Variants in CDH9 observed in about 807,000 individuals in gnomAD.
CDH9 encodes cadherin 9.
Under a neutral mutation model 70.9 loss-of-function variants are expected in CDH9, and 28 were observed. The observed-to-expected ratio is 0.40, with a 90% confidence interval of 0.29 to 0.54. CDH9 has a LOEUF of 0.54. Among genes scored for constraint, CDH9 ranks in the 20% least tolerant of loss-of-function variants. The pLI is 0.59. For missense variants in CDH9, 874 were observed against 984.4 expected, an observed-to-expected ratio of 0.89 and a Z score of 1.50; for synonymous variants, 409 against 343.1, an observed-to-expected ratio of 1.19 and a Z score of -2.12.
Position 26,912,920 on chromosome 5 carries a change from C to T in CDH9, c.523+2710G>A, listed in dbSNP as rs570781251. On this transcript the variant is annotated intron_variant, in intron 3 of 11. Coordinates refer to ENST00000231021, the MANE Select transcript of CDH9 (RefSeq NM_016279.4). The stretch of plus-strand genomic sequence containing the variant: ...TCCTGAGAGTGAATAAGTCCCAAGA[C>T]ATCTGATGGTTTTAAAAACAGGAGT... Among the ~76,000 whole-genome samples the T allele has an allele frequency of 3.8e-4, 58 of 152,168 alleles. 1 individual carries two copies. The South Asian group carries it at 0.012, about 31-fold the overall frequency.
intron 1 of CDH9, among the ~76,000 whole-genome samples, chr5:27,028,729 C>A (rs2112133235): frequency 6.6e-6 from 1 of 151,918 alleles, no homozygotes; most frequent in South Asian, 2.1e-4. Flanking sequence ...AAATGAAAAA[C>A]CATATTTTAA....
intron 2 of CDH9, among the ~76,000 whole-genome samples, chr5:26,959,082 G>T (rs1015737888): frequency 3.9e-5 from 6 of 151,996 alleles, no homozygotes; most frequent in Admixed American, 1.3e-4. Flanking sequence ...TTCATAATAA[G>T]AAGAATTATT....
chr5:26,952,469 A>T, intron 2 of CDH9, among the ~76,000 whole-genome samples: 1 of 129,626 alleles, frequency 7.7e-6, no homozygotes, highest in African/African-American at 2.9e-5. Flanking sequence ...AAAAAAAAAA[A>T]AAAAAAAAAA....
chr5:26,996,038 T>C (rs1210788185), intron 1 of CDH9, among the ~76,000 whole-genome samples: 1 of 152,036 alleles, frequency 6.6e-6, no homozygotes, highest in African/African-American at 2.4e-5. Flanking sequence ...TAAATAGGAT[T>C]TTCAGCATAT....
At chr5:26,890,828 T>A (rs1224757925) in intron 7 of CDH9, 1 of 339,302 alleles carries the variant, frequency 2.9e-6, no homozygotes, top group African/African-American at 2.1e-5. Flanking sequence ...TTAAAGTGAG[T>A]TCTTAAGTAT....
chr5:26,914,035 C>G (rs1343703206), intron 3 of CDH9, among the ~76,000 whole-genome samples: 1 of 151,788 alleles, frequency 6.6e-6, no homozygotes, highest in Non-Finnish European at 1.5e-5. Context: ...AAGTGGGGTA[C>G]TTCTTTGAAA....
At chr5:26,959,604 T>C (rs1742000439) in intron 2 of CDH9, among the ~76,000 whole-genome samples, 1 of 152,040 alleles carries the variant, frequency 6.6e-6, no homozygotes, top group African/African-American at 2.4e-5. Flanking sequence ...AAACCAAAGA[T>C]CTATCAATGG....
intron 1 of CDH9, among the ~76,000 whole-genome samples, chr5:27,010,672 C>T (rs150795899): frequency 6.6e-6 from 1 of 152,102 alleles, no homozygotes; most frequent in Non-Finnish European, 1.5e-5. Context: ...AAAAATTCAT[C>T]TTCATCTTTT....
intron 1 of CDH9, among the ~76,000 whole-genome samples, chr5:27,013,933 A>G (rs1249517644): frequency 2.0e-5 from 3 of 152,022 alleles, no homozygotes; most frequent in Admixed American, 1.3e-4. Context: ...GATAAAGAAG[A>G]AAGCAGAAAT....
intron 2 of CDH9, among the ~76,000 whole-genome samples, chr5:26,948,999 C>T (rs1263082104): frequency 6.6e-6 from 1 of 152,142 alleles, no homozygotes; most frequent in Non-Finnish European, 1.5e-5. Flanking sequence ...TGGTGCCAGA[C>T]TTGCCTTAAA....
chr5:26,895,803 C>A (rs1239888125), intron 7 of CDH9, among the ~76,000 whole-genome samples: 1 of 152,010 alleles, frequency 6.6e-6, no homozygotes, highest in Non-Finnish European at 1.5e-5. Flanking sequence ...AAATGTTTCT[C>A]TGTGATGCTT....
chr5:27,001,834 A>ACTCTCTCT (rs1742773881), intron 1 of CDH9, among the ~76,000 whole-genome samples: 1 of 124,276 alleles, frequency 8.0e-6, no homozygotes, highest in Admixed American at 7.7e-5. Context: ...TAACATACAC[A>ACTCTCTCT]CACACACACA....
At chr5:27,030,799 G>A (rs1472129405) in intron 1 of CDH9, among the ~76,000 whole-genome samples, 1 of 116,808 alleles carries the variant, frequency 8.6e-6, no homozygotes, top group Admixed American at 7.7e-5. Flanking sequence ...ATTTAAAGGA[G>A]CAAATACATA....
At chr5:26,954,846 C>T (rs529388588) in intron 2 of CDH9, among the ~76,000 whole-genome samples, 28 of 152,166 alleles carry the variant, frequency 1.8e-4, no homozygotes, top group African/African-American at 6.0e-4. Context: ...GACTGTGTCA[C>T]GTATGTCATC....
At chr5:26,936,545 C>T (rs916602873) in intron 2 of CDH9, among the ~76,000 whole-genome samples, 11 of 151,988 alleles carry the variant, frequency 7.2e-5, no homozygotes, top group Non-Finnish European at 1.5e-5. Context: ...AAGGTAACTA[C>T]ATATAATGTT....
intron 2 of CDH9, among the ~76,000 whole-genome samples, chr5:26,933,563 C>G (rs1017095144): frequency 2.4e-4 from 36 of 151,804 alleles, no homozygotes; most frequent in South Asian, 1.5e-3. Context: ...GATCACAAGT[C>G]AAGAGATCGA....
intron 1 of CDH9, among the ~76,000 whole-genome samples, chr5:27,020,662 T>C (rs1469487291): frequency 6.6e-6 from 1 of 151,544 alleles, no homozygotes; most frequent in East Asian, 1.9e-4. Context: ...ATCCGATGTA[T>C]TATTTTCTAT....
intron 3 of CDH9, among the ~76,000 whole-genome samples, chr5:26,912,536 G>C (rs2112001459): frequency 1.3e-5 from 2 of 150,906 alleles, no homozygotes; most frequent in East Asian, 3.9e-4. Context: ...ATATAGATAT[G>C]TATGTATTAA....
chr5:26,916,617 CTCTT>C (rs1384405054), intron 2 of CDH9, among the ~76,000 whole-genome samples: 2 of 151,928 alleles, frequency 1.3e-5, no homozygotes, highest in Admixed American at 6.6e-5. Flanking sequence ...TGAATGGTCT[CTCTT>C]TCTCTCTCTC....
Sources: allele counts gnomAD v4.1 joint callset (sites outside exome capture counted in the v4.1 genomes callset), GRCh38; gene constraint gnomAD v4.1.1; transcripts MANE v1.5; gene names NCBI Gene and HGNC (gene_info 2026-07-23, HGNC 2026-07-21).